BCL9: variants seen among roughly 807,000 people sequenced by gnomAD.
BCL9 encodes BCL9 transcription coactivator.
BCL9 carries 25 observed loss-of-function variants against 88.5 expected under a neutral mutation model. That is an observed-to-expected ratio of 0.28 (90% CI 0.21 to 0.39). The LOEUF (loss-of-function observed/expected upper bound fraction) is 0.39. BCL9 is among the 10% of genes least tolerant of loss of function. The pLI, the probability that BCL9 is intolerant of heterozygous loss-of-function variation, is 1.00. For synonymous variants in BCL9, 711 were observed against 673.3 expected (o/e 1.06, Z -0.87); for missense variants, 1,817 against 1,877.8 (o/e 0.97, Z 0.60).
chr1:147,611,066 G>A (rs1048232816), intron 3 of BCL9, among the ~76,000 whole-genome samples: 8 of 152,028 alleles, frequency 5.3e-5, no homozygotes, highest in Non-Finnish European at 1.2e-4. Flanking sequence ...AAGTCCCCCC[G>A]CCCCCAAGGC....
chr1:147,578,395 G>C (rs184643878), intron 1 of BCL9, among the ~76,000 whole-genome samples: 28 of 152,222 alleles, frequency 1.8e-4, no homozygotes, highest in Admixed American at 7.2e-4. Context: ...AGTTTATTCA[G>C]CATCCTCAAG....
At position 147,625,667 on chromosome 1, in the gene BCL9, G is replaced by C. The variant is rs1157670871; in HGVS notation, c.*708G>C. 1 of 232,530 alleles carries C rather than the reference G, an allele frequency of 4.3e-6. No homozygotes were observed. Among genetic ancestry groups the C allele is most frequent in the Non-Finnish European group, 8.5e-6 (1 of 117,442 alleles). 14.4% of individuals were successfully genotyped at this position (232,530 alleles called of 1,614,324 possible). A position where few individuals can be genotyped will look rare whatever the true frequency, so the allele number is the denominator to read the frequency against. On this transcript the variant is annotated 3_prime_UTR_variant, in exon 10 of 10. Coordinates refer to ENST00000234739, the MANE Select transcript of BCL9 (RefSeq NM_004326.4). Reference sequence around the variant, plus strand: ...TTCAGTTCAAGTGCTCTTCAGCACTGTCTTGTCTCCCAATATACCAACCCA... The same window carrying C: ...TTCAGTTCAAGTGCTCTTCAGCACTCTCTTGTCTCCCAATATACCAACCCA...
At chr1:147,590,406 A>T (rs1656796886) in intron 1 of BCL9, among the ~76,000 whole-genome samples, 1 of 152,188 alleles carries the variant, frequency 6.6e-6, no homozygotes, top group African/African-American at 2.4e-5. Flanking sequence ...CCCTACCTGG[A>T]TCTGCATCAT....
chr1:147,591,562 C>A (rs192645248), intron 1 of BCL9, among the ~76,000 whole-genome samples: 1 of 152,304 alleles, frequency 6.6e-6, no homozygotes, highest in Admixed American at 6.5e-5. Flanking sequence ...TAGAATAGTG[C>A]TTGGCACATG....
chr1:147,554,199 A>C (rs1553195142), intron 1 of BCL9, among the ~76,000 whole-genome samples: 1 of 152,222 alleles, frequency 6.6e-6, no homozygotes, highest in African/African-American at 2.4e-5. Flanking sequence ...AATGATATAC[A>C]CTGATGTTAC....
At chr1:147,597,387 A>T (rs1657101401) in intron 1 of BCL9, among the ~76,000 whole-genome samples, 1 of 152,232 alleles carries the variant, frequency 6.6e-6, no homozygotes, top group Non-Finnish European at 1.5e-5. Flanking sequence ...AGCAAATTTC[A>T]GTAAGTGAGA....
At position 147,625,939 on chromosome 1, in the gene BCL9, T is replaced by G. The variant is rs1202689462; in HGVS notation, c.*980T>G. On this transcript the variant is annotated 3_prime_UTR_variant, in exon 10 of 10. Coordinates refer to ENST00000234739, the MANE Select transcript of BCL9 (RefSeq NM_004326.4). ...GATGCTCTCTGGTCTTTTTTCCCCCTAAGTCTTTCTCTTTCCCATCATACC... is the reference window on the plus strand; with the variant it reads ...GATGCTCTCTGGTCTTTTTTCCCCCGAAGTCTTTCTCTTTCCCATCATACC... The G allele has an allele frequency of 4.3e-6, 1 of 232,730 alleles. No individual in the cohort carries two copies. The highest frequency in any genetic ancestry group is 8.5e-6 in the Non-Finnish European group (1 of 117,512). 14.4% of individuals were successfully genotyped at this position (232,730 alleles called of 1,614,324 possible).
At chr1:147,614,987 C>T (rs781932887) in intron 6 of BCL9, among the ~76,000 whole-genome samples, 16 of 151,904 alleles carry the variant, frequency 1.1e-4, no homozygotes, top group South Asian at 2.1e-4. Flanking sequence ...TACAGGAACC[C>T]GTCACTACAC....
rs1553202649 is a variant in BCL9, at chr1:147,611,898, T to G, written c.53+9T>G. On this transcript the variant is annotated intron_variant, in intron 4 of 9. Transcript: ENST00000234739. ...TCAGGAAACACACAGAGGTAAGGGC[T>G]GGGCTGGGGCCTCTTCCTGCAGCCC... 6.2e-7 allele frequency: 1 copy of G among 1,613,680 alleles called. No homozygotes were observed. The highest frequency in any genetic ancestry group is 1.7e-5 in the Admixed American group (1 of 60,028).
chr1:147,576,808 G>A (rs2353544), intron 1 of BCL9, among the ~76,000 whole-genome samples: 70,977 of 152,042 alleles, frequency 0.47, 20,002 homozygotes, highest in African/African-American at 0.81. Context: ...CGCCTCCTCT[G>A]GTGACCTTAA....
intron 1 of BCL9, among the ~76,000 whole-genome samples, chr1:147,581,859 C>T (rs1656386509): frequency 6.6e-6 from 1 of 152,116 alleles, no homozygotes; most frequent in Admixed American, 6.5e-5. Flanking sequence ...AGCTTTTCTG[C>T]TTTTCTTCTC....
intron 3 of BCL9, among the ~76,000 whole-genome samples, chr1:147,610,176 C>CAAA (rs782360371): frequency 0.014 from 2,044 of 147,596 alleles, 22 homozygotes; most frequent in African/African-American, 0.018. Flanking sequence ...TAGTCTAAAC[C>CAAA]AAAAAAAAAA....
Position 147,616,044 on chromosome 1 carries a change from T to G in BCL9, c.660+142T>G, listed in dbSNP as rs78067032. 2.2e-5 allele frequency: 17 copies of G among 768,644 alleles called. No individual in the cohort carries two copies. In the African/African-American group the frequency reaches 2.6e-4, roughly 12 times the overall value. 47.6% of individuals were successfully genotyped at this position (768,644 alleles called of 1,614,324 possible). On this transcript the variant is annotated intron_variant, in intron 7 of 9. Transcript: ENST00000234739. ...GGCATTTAACCTAATTCTGGCATTG[T>G]GGGGCATTAGGCATATCATACTATA...
chr1:147,554,555 T>C (rs6593793), intron 1 of BCL9, among the ~76,000 whole-genome samples: 29,499 of 152,090 alleles, frequency 0.19, 7,859 homozygotes, highest in African/African-American at 0.6. Flanking sequence ...ACCAGTAGTT[T>C]TAACAAATGA....
In BCL9 at chr1:147,619,719, C is replaced by G. The variant is rs782581434; in HGVS notation, c.1564C>G (p.Pro522Ala). The change falls in exon 8 of 10, where the codon CCT becomes GCT. Residue 522 changes from proline to alanine, a missense_variant. Pro to Ala is a conservative substitution (Grantham distance 27, BLOSUM62 -1). Around this residue, in one of 2 missense-constraint regions of BCL9, gnomAD observed 1,228 missense variants for 1,191.6 expected, o/e 1.03. Coordinates refer to ENST00000234739, the MANE Select transcript of BCL9 (RefSeq NM_004326.4). This position sits in a 1 kb window ranked among gnomAD's most constrained non-coding sequence, Gnocchi z 4.1. ...ACCCCCCCCTCCATACCAGATGACC[C>G]CTAGTGAAGGCTGGGCACCTGGGGG... ...RGPPPPYQMT[P>A]SEGWAPGGTE... 2 of 1,613,966 alleles carry G rather than the reference C, an allele frequency of 1.2e-6. No homozygotes were observed. Among genetic ancestry groups the G allele is most frequent in the Admixed American group, 1.7e-5 (1 of 60,004 alleles).
chr1:147,623,747 C>A, intron 9 of BCL9, 95 bp from the exon 10 acceptor site: 1 of 1,370,020 alleles, frequency 7.3e-7, no homozygotes, highest in Non-Finnish European at 1.0e-6. Flanking sequence ...ATACTATGCA[C>A]ATTGGATGCA....
intron 1 of BCL9, among the ~76,000 whole-genome samples, chr1:147,565,790 T>C (rs79574933): frequency 0.029 from 4,378 of 152,280 alleles, 110 homozygotes; most frequent in Non-Finnish European, 0.042. Context: ...CTCTTGCTCA[T>C]AGCTCTTGGT....
At chr1:147,617,170 T>C (rs929519440) in intron 7 of BCL9, among the ~76,000 whole-genome samples, 2 of 152,198 alleles carry the variant, frequency 1.3e-5, no homozygotes, top group Non-Finnish European at 2.9e-5. Context: ...AAAATGCTTA[T>C]TGTCCTGGAA....
rs140111701 is a variant in BCL9 at position 147,615,869 on chromosome 1, T to C, written c.627T>C (p.Ser209=). 90 of 1,614,156 alleles carry C rather than the reference T, an allele frequency of 5.6e-5. No individual in the cohort carries two copies. The African/African-American group carries it at 1.2e-3, about 21-fold the overall frequency. Residue 209 remains serine (S), a synonymous_variant, in exon 7 of 10, where the codon TCT becomes TCC. Transcript: ENST00000234739. ...TCTCTTTCCACATCCAGAACATTTC[T>C]AACAACAAGACAGAGAGAAGCACAG... ...TIVSFHIQNI[S]NNKTERSTAP... is the part of the protein sequence containing the mutation.
Sources: gnomAD v4.1 joint callset for allele counts (sites outside exome capture counted in the v4.1 genomes callset) on GRCh38, gnomAD v4.1.1 for gene constraint, gnomAD v4.1.1 regional missense constraint, Gnocchi (gnomAD v3.1) non-coding constraint, MANE v1.5 for transcripts, NCBI Gene and HGNC (gene_info 2026-07-23, HGNC 2026-07-21) for gene names.